The following PCM1 variants were observed in gnomAD, a reference collection of about 807,000 sequenced individuals.
PCM1 encodes the protein pericentriolar material 1 protein.
A neutral mutation model predicts 241.9 loss-of-function variants in PCM1; 157 were observed. The observed-to-expected ratio is 0.65, with a 90% CI of 0.57 to 0.74. The LOEUF (loss-of-function observed/expected upper bound fraction) is 0.74, where lower values mean the gene tolerates loss of function less well. Ranked by LOEUF, PCM1 falls within the 30% of genes least tolerant of loss-of-function variation. PCM1 has a pLI of 0.00. For synonymous variants in PCM1, 1,085 were observed against 784.9 expected (o/e 1.38, Z -6.39); for missense variants, 3,478 against 2,360.1 (o/e 1.47, Z -9.81).
At chr8:17,944,234 GTA>G (rs1438413524) in intron 6 of PCM1, among the ~76,000 whole-genome samples, 1 of 152,102 alleles carries the variant, frequency 6.6e-6, no homozygotes, top group Non-Finnish European at 1.5e-5. Context: ...TTATACTTCT[GTA>G]TTTAGAACCC....
At position 17,956,746 on chromosome 8, in the gene PCM1, C is replaced by T. The variant is rs563543166; in HGVS notation, c.1615C>T (p.His539Tyr). Residue 539 changes from histidine to tyrosine, a missense_variant, in exon 11 of 39, where the codon CAT becomes TAT. Coordinates refer to ENST00000325083, the MANE Select transcript of PCM1 (RefSeq NM_006197.4). ...TGAAGAGTCAGAATATGATTCTGAG[C>T]ATGAAAATTCCGAGCCTGTTACTAA... ...ETEESEYDSE[H>Y]ENSEPVTNIR... is the part of the protein sequence containing the mutation. The T allele has an allele frequency of 4.5e-5, 72 of 1,607,762 alleles. No homozygotes were observed. The highest frequency in any genetic ancestry group is 5.9e-5 in the Non-Finnish European group (69 of 1,176,568).
intron 7 of PCM1, among the ~76,000 whole-genome samples, chr8:17,948,311 T>A (rs1207492863): frequency 7.0e-6 from 1 of 143,036 alleles, no homozygotes; most frequent in Non-Finnish European, 1.5e-5. Flanking sequence ...TTTTTTTTTT[T>A]TTTTTTTTTT....
In PCM1 at chr8:18,027,835, G is replaced by T; in HGVS notation, c.*173G>T. The T allele has an allele frequency of 2.3e-6, 1 of 428,388 alleles. No homozygotes were observed. Among genetic ancestry groups the T allele is most frequent in the East Asian group, 3.5e-5 (1 of 28,596 alleles). The allele number at this position is 428,388 out of a possible 1,614,324, so 26.5% of individuals were successfully genotyped here. ...TTTAAAACATCAGAAACTGAATTCTGGACAGATTTAAGCCTTGACACACTG... is the reference window on the plus strand; with the variant it reads ...TTTAAAACATCAGAAACTGAATTCTTGACAGATTTAAGCCTTGACACACTG... On this transcript the variant is annotated 3_prime_UTR_variant, in exon 39 of 39. Transcript: ENST00000325083.
intron 2 of PCM1, among the ~76,000 whole-genome samples, chr8:17,935,189 G>T (rs1009774392): frequency 6.6e-6 from 1 of 152,158 alleles, no homozygotes; most frequent in Non-Finnish European, 1.5e-5. Context: ...TGTTTTCAGG[G>T]TATCATCTTC....
intron 36 of PCM1, among the ~76,000 whole-genome samples, 166 bp downstream of exon 36, chr8:18,015,006 G>T (rs1259684726): frequency 6.6e-6 from 1 of 152,090 alleles, no homozygotes; most frequent in Non-Finnish European, 1.5e-5. Flanking sequence ...GGGTAATAGT[G>T]AATTAAGATG....
chr8:17,939,576 CTT>C, intron 5 of PCM1, 113 bp from the exon 6 acceptor site: 1 of 516,566 alleles, frequency 1.9e-6, no homozygotes. Context: ...ATCCAAGTGT[CTT>C]TGGTTATCTT....
intron 36 of PCM1, among the ~76,000 whole-genome samples, chr8:18,018,964 A>G (rs993367761): frequency 4.2e-4 from 4 of 9,412 alleles, no homozygotes; most frequent in Non-Finnish European, 1.4e-3. Flanking sequence ...CAAGACTTAA[A>G]CATACAATAA....
chr8:17,989,882 A>G lies in PCM1; in HGVS notation c.4434A>G (p.Glu1478=). Residue 1478 remains glutamate, a synonymous_variant, in exon 27 of 39, where the codon GAA becomes GAG. Transcript: ENST00000325083. ...AGGAAACTTTTGAGAAGAACTTTGA[A>G]AGAGAAACCCATAAAATAAGTGAGC... ...TDDETFEKNF[E]RETHKISEQN... The G allele has an allele frequency of 6.5e-7, 1 of 1,543,970 alleles. No homozygotes were observed. Among genetic ancestry groups the G allele is most frequent in the Non-Finnish European group, 8.8e-7 (1 of 1,141,678 alleles).
chr8:17,935,738 T>C (rs1415876200), intron 3 of PCM1, 32 bp downstream of exon 3: 5 of 977,562 alleles, frequency 5.1e-6, no homozygotes, highest in Non-Finnish European at 8.3e-6. Flanking sequence ...GGTGTGTTGT[T>C]GGCTATTAAT....
chr8:17,953,175 A>G lies in PCM1; in HGVS notation c.1277A>G (p.Asn426Ser). ...ELHTLRDQHL[N>S]NSSSSPQRSV... is the part of the protein sequence containing the mutation. ...CATACACTTCGAGATCAGCATCTTA[A>G]CAATTCATCATGTGAGTAAATCTGG... The change falls in exon 9 of 39, where the codon AAC becomes AGC. Residue 426 changes from asparagine to serine, a missense_variant. Asn to Ser is a conservative substitution (Grantham distance 46). Transcript: ENST00000325083. 6.4e-7 allele frequency: 1 copy of G among 1,552,310 alleles called. No individual in the cohort carries two copies. Among genetic ancestry groups the G allele is most frequent in the Non-Finnish European group, 8.8e-7 (1 of 1,141,140 alleles).
At chr8:17,968,655 A>G (rs908463330) in intron 21 of PCM1, among the ~76,000 whole-genome samples, 17 of 151,880 alleles carry the variant, frequency 1.1e-4, no homozygotes, top group Admixed American at 8.5e-4. Context: ...ATCACAATAT[A>G]TATGTACTCA....
In PCM1 at chr8:17,936,843, C is replaced by T. The variant is rs541069840; in HGVS notation, c.97-291C>T. ...TAGAAAATCACAATGTAAAAAAATCCTCTTGGAAATATTCAGATTGATTTT... is the reference window on the plus strand; with the variant it reads ...TAGAAAATCACAATGTAAAAAAATCTTCTTGGAAATATTCAGATTGATTTT... On this transcript the variant is annotated intron_variant, in intron 3 of 38. Transcript: ENST00000325083. Among the ~76,000 whole-genome samples the T allele has an allele frequency of 6.6e-5, 10 of 152,100 alleles. No individual in the cohort carries two copies. In the South Asian group the frequency reaches 1.0e-3, roughly 16 times the overall value.
chr8:18,017,018 G>A (rs113096405), intron 36 of PCM1, among the ~76,000 whole-genome samples: 16 of 152,184 alleles, frequency 1.1e-4, no homozygotes, highest in African/African-American at 3.1e-4. Flanking sequence ...CAGTTTCTAC[G>A]CATGATATTA....
At chr8:17,958,041 C>G (rs1039784388) in intron 13 of PCM1, among the ~76,000 whole-genome samples, 1 of 152,034 alleles carries the variant, frequency 6.6e-6, no homozygotes, top group Non-Finnish European at 1.5e-5. Flanking sequence ...ATACATAATA[C>G]ATAAATGAGA....
chr8:18,000,579 A>G (rs557611792), intron 29 of PCM1, among the ~76,000 whole-genome samples: 2 of 149,864 alleles, frequency 1.3e-5, no homozygotes, highest in Admixed American at 1.3e-4. Flanking sequence ...ACCAAAATGA[A>G]GAAGGCTTGG....
chr8:17,989,447 A>T (rs1341659225), intron 26 of PCM1, among the ~76,000 whole-genome samples: 1 of 152,060 alleles, frequency 6.6e-6, no homozygotes, highest in East Asian at 1.9e-4. Context: ...TTTATTTTTT[A>T]AAAATGCAAA....
In PCM1 at chr8:17,955,580, T is replaced by A. The variant is rs1471651854; in HGVS notation, c.1399T>A (p.Tyr467Asn). The change falls in exon 10 of 39, where the codon TAT (tyrosine) becomes AAT (asparagine). Residue 467 changes from tyrosine (Y) to asparagine (N), a missense_variant. Coordinates refer to ENST00000325083, the MANE Select transcript of PCM1 (RefSeq NM_006197.4). ...CAATAGCCTCACATCATCTGTTCCTTATCCTACTGCTTCTCTAGTATCTCA... is the reference window on the plus strand; with the variant it reads ...CAATAGCCTCACATCATCTGTTCCTAATCCTACTGCTTCTCTAGTATCTCA... ...ESNSLTSSVP[Y>N]PTASLVSQNE... is the part of the protein sequence containing the mutation. 1 of 1,613,726 alleles carries A rather than the reference T, an allele frequency of 6.2e-7. No individual in the cohort carries two copies. Among genetic ancestry groups the A allele is most frequent in the South Asian group, 1.1e-5 (1 of 91,070 alleles).
At chr8:17,941,207 C>T (rs950304399) in intron 6 of PCM1, among the ~76,000 whole-genome samples, 2 of 152,018 alleles carry the variant, frequency 1.3e-5, no homozygotes, top group Admixed American at 6.6e-5. Context: ...TCCTTAGGTT[C>T]CAGCAGAAAT....
At chr8:18,023,158 C>T (rs1008014753) in intron 36 of PCM1, among the ~76,000 whole-genome samples, 1 of 152,058 alleles carries the variant, frequency 6.6e-6, no homozygotes, top group Non-Finnish European at 1.5e-5. Context: ...TGTATGGCAA[C>T]AAAATATATA....
Sources: allele counts gnomAD v4.1 joint callset (sites outside exome capture counted in the v4.1 genomes callset), GRCh38; gene constraint gnomAD v4.1.1; transcripts MANE v1.5; gene names NCBI Gene and HGNC (gene_info 2026-07-23, HGNC 2026-07-21).